Variants in SLC24A2 observed in about 807,000 individuals in gnomAD.
The protein encoded by SLC24A2 is sodium/potassium/calcium exchanger 2.
A neutral mutation model predicts 62.0 loss-of-function variants in SLC24A2; 36 were observed. The observed-to-expected ratio is 0.58, with a 90% CI of 0.44 to 0.77. SLC24A2 has a LOEUF of 0.77. SLC24A2 is among the 30% of genes least tolerant of loss of function. The pLI is 0.00. For synonymous variants in SLC24A2, 358 were observed against 294.0 expected (o/e 1.22, Z -2.23); for missense variants, 846 against 817.9 (o/e 1.03, Z -0.42).
chr9:20,084,212 A>G, the SLC24A2 span, among the ~76,000 whole-genome samples: 56,466 of 152,052 alleles, frequency 0.37, 10,772 homozygotes, highest in Middle Eastern at 0.51. Flanking sequence ...TGAAAGCTGA[A>G]TAACTAACAT....
At chr9:19,866,045 A>C in the SLC24A2 span, among the ~76,000 whole-genome samples, 1 of 152,224 alleles carries the variant, frequency 6.6e-6, no homozygotes, top group East Asian at 1.9e-4. Flanking sequence ...AAAAGATTAG[A>C]ATGGACCTTT....
At chr9:20,267,763 G>A in the SLC24A2 span, among the ~76,000 whole-genome samples, 1 of 152,176 alleles carries the variant, frequency 6.6e-6, no homozygotes, top group African/African-American at 2.4e-5. Context: ...GTTGCCAAGA[G>A]GAAACACAAT....
chr9:20,062,991 A>C, the SLC24A2 span, among the ~76,000 whole-genome samples: 1 of 117,618 alleles, frequency 8.5e-6, no homozygotes, highest in Non-Finnish European at 1.7e-5. Flanking sequence ...GTCAGGAAAC[A>C]ACAGCTGCTG....
intron 2 of SLC24A2, among the ~76,000 whole-genome samples, chr9:19,723,686 T>G (rs1178164995): frequency 6.6e-6 from 1 of 152,160 alleles, no homozygotes; most frequent in African/African-American, 2.4e-5. Flanking sequence ...ACTGTCTTAT[T>G]CATAGAATTC....
At chr9:20,043,033 A>G in the SLC24A2 span, among the ~76,000 whole-genome samples, 3 of 152,146 alleles carry the variant, frequency 2.0e-5, no homozygotes, top group Non-Finnish European at 2.9e-5. Flanking sequence ...TGGACCAATT[A>G]ATAACCCTAC....
At chr9:19,662,944 T>C (rs1194354003) in intron 2 of SLC24A2, among the ~76,000 whole-genome samples, 1 of 152,210 alleles carries the variant, frequency 6.6e-6, no homozygotes, top group Non-Finnish European at 1.5e-5. Context: ...TACCAAATAC[T>C]GTCCCTATAA....
At chr9:19,859,726 T>A in the SLC24A2 span, among the ~76,000 whole-genome samples, 3 of 152,194 alleles carry the variant, frequency 2.0e-5, no homozygotes, top group South Asian at 4.1e-4. Context: ...ATCAAGGACA[T>A]CACCCATTTC....
At chr9:20,199,489 T>C in the SLC24A2 span, among the ~76,000 whole-genome samples, 1 of 152,226 alleles carries the variant, frequency 6.6e-6, no homozygotes, top group Non-Finnish European at 1.5e-5. Context: ...ATTACTAATG[T>C]TGCTATGAGG....
chr9:20,154,780 C>T, the SLC24A2 span, among the ~76,000 whole-genome samples: 5 of 151,618 alleles, frequency 3.3e-5, no homozygotes, highest in African/African-American at 9.7e-5. Context: ...TGCAGTAACT[C>T]AACAACCTCA....
At chr9:19,629,536 T>C (rs1308319174) in intron 2 of SLC24A2, among the ~76,000 whole-genome samples, 1 of 152,216 alleles carries the variant, frequency 6.6e-6, no homozygotes, top group African/African-American at 2.4e-5. Context: ...ATTATTTCTG[T>C]CTCTTGAAGG....
chr9:20,285,594 G>C, the SLC24A2 span, among the ~76,000 whole-genome samples: 1 of 152,180 alleles, frequency 6.6e-6, no homozygotes, highest in Non-Finnish European at 1.5e-5. Context: ...TGATATCAGA[G>C]AGGGCAAGCT....
rs150488430 is a variant in SLC24A2 at position 19,669,694 on chromosome 9, G to A, written c.931-47395C>T. Among the ~76,000 whole-genome samples, 472 of 152,274 alleles carry A rather than the reference G, an allele frequency of 3.1e-3. 2 individuals are homozygous for A. Among genetic ancestry groups the A allele is most frequent in the African/African-American group, 0.011 (456 of 41,554 alleles). On this transcript the variant is annotated intron_variant, in intron 2 of 10. Transcript: ENST00000341998. ...TCCTCTATCTTCAAAACCAGCAACA[G>A]CAAGTTGAGACCTTTTTCCACAGAA...
At chr9:20,178,521 C>T in the SLC24A2 span, among the ~76,000 whole-genome samples, 2 of 152,160 alleles carry the variant, frequency 1.3e-5, no homozygotes, top group Non-Finnish European at 2.9e-5. Flanking sequence ...TTTAATGAGA[C>T]AAATGCTAGC....
the SLC24A2 span, among the ~76,000 whole-genome samples, chr9:19,899,418 T>C: frequency 6.6e-6 from 1 of 152,182 alleles, no homozygotes; most frequent in Non-Finnish European, 1.5e-5. Flanking sequence ...TCCTGAGTCT[T>C]GAATGCAGAT....
At chr9:19,948,081 T>G in the SLC24A2 span, among the ~76,000 whole-genome samples, 1 of 152,332 alleles carries the variant, frequency 6.6e-6, no homozygotes, top group East Asian at 1.9e-4. Flanking sequence ...AAGATAAAAT[T>G]CTTAAAAAGA....
At chr9:19,610,182 A>G (rs1837112923) in intron 4 of SLC24A2, among the ~76,000 whole-genome samples, 1 of 152,182 alleles carries the variant, frequency 6.6e-6, no homozygotes, top group South Asian at 2.1e-4. Context: ...TTACAATGAA[A>G]AAATGTAAAT....
chr9:19,975,014 C>T, the SLC24A2 span, among the ~76,000 whole-genome samples: 3 of 152,296 alleles, frequency 2.0e-5, no homozygotes, highest in Admixed American at 1.3e-4. Context: ...GAAGCCCCAA[C>T]TCCAGCAGGT....
the SLC24A2 span, among the ~76,000 whole-genome samples, chr9:19,855,309 TG>T: frequency 6.6e-6 from 1 of 152,196 alleles, no homozygotes; most frequent in Non-Finnish European, 1.5e-5. Context: ...AATATTTTTA[TG>T]TGTGAATTTG....
chr9:19,617,196 G>T (rs1817790032), intron 4 of SLC24A2, among the ~76,000 whole-genome samples: 1 of 152,144 alleles, frequency 6.6e-6, no homozygotes, highest in Admixed American at 6.5e-5. Flanking sequence ...ACACAACCTA[G>T]ATCTCTCATG....
Sources: allele counts gnomAD v4.1 joint callset (sites outside exome capture counted in the v4.1 genomes callset), GRCh38; gene constraint gnomAD v4.1.1; transcripts MANE v1.5; gene names NCBI Gene and HGNC (gene_info 2026-07-23, HGNC 2026-07-21).